PRRX1: variants seen among roughly 807,000 people sequenced by gnomAD.
PRRX1 encodes paired mesoderm homeobox protein 1.
PRRX1 carries 8 observed loss-of-function variants against 24.0 expected under a neutral mutation model. The ratio of observed to expected loss-of-function variants is 0.33; its 90% CI spans 0.20 to 0.60. The LOEUF (loss-of-function observed/expected upper bound fraction) is 0.60, where lower values mean the gene tolerates loss of function less well. PRRX1 is among the 20% of genes least tolerant of loss of function. PRRX1 has a pLI of 0.82. For missense variants in PRRX1, 281 were observed against 322.4 expected (o/e 0.87, Z 0.98); for synonymous variants, 160 against 131.7 (o/e 1.22, Z -1.47).
At chr1:170,680,625 CTTG>C (rs1448226644) in intron 1 of PRRX1, among the ~76,000 whole-genome samples, 3 of 152,200 alleles carry the variant, frequency 2.0e-5, no homozygotes, top group African/African-American at 7.2e-5. Context: ...TCCTGCAAAT[CTTG>C]TTGTTGCATA....
intron 1 of PRRX1, among the ~76,000 whole-genome samples, chr1:170,692,968 A>G (rs1654044312): frequency 6.6e-6 from 1 of 152,052 alleles, no homozygotes; most frequent in South Asian, 2.1e-4. Context: ...GTGATCCTGG[A>G]ACTTTTCCTA....
At chr1:170,721,562 C>T (rs1655086433) in intron 2 of PRRX1, among the ~76,000 whole-genome samples, 1 of 151,962 alleles carries the variant, frequency 6.6e-6, no homozygotes, top group Non-Finnish European at 1.5e-5. Context: ...GAAGTACTCC[C>T]CAAGAGAAAA....
chr1:170,673,846 A>G lies in PRRX1; in HGVS notation c.241+9387A>G, dbSNP rs142117574. On this transcript the variant is annotated intron_variant, in intron 1 of 3. Transcript: ENST00000239461. ...TCCTATCAAGTTTACCTTCTAAAAT[A>G]ATTTGAATTCATCTACTGTTTAAGT... is the stretch of plus-strand genomic sequence containing the variant. 6.2e-3 allele frequency among the ~76,000 whole-genome samples: 950 copies of G among 152,224 alleles called. 3 individuals are homozygous for G. Among genetic ancestry groups the G allele is most frequent in the Non-Finnish European group, 9.2e-3 (623 of 68,000 alleles).
At chr1:170,709,547 C>T (rs1001171718) in intron 1 of PRRX1, among the ~76,000 whole-genome samples, 1 of 152,160 alleles carries the variant, frequency 6.6e-6, no homozygotes, top group Non-Finnish European at 1.5e-5. Context: ...TGGCCCGTTC[C>T]TGGCTCTGAT....
At chr1:170,714,454 CT>C (rs1245948319) in intron 1 of PRRX1, among the ~76,000 whole-genome samples, 1 of 152,238 alleles carries the variant, frequency 6.6e-6, no homozygotes, top group Non-Finnish European at 1.5e-5. Flanking sequence ...TAGTTGGTTT[CT>C]GCTACTGGAG....
In PRRX1 at chr1:170,736,454, T is replaced by TCTTC. The variant is rs1322025679; in HGVS notation, c.*268_*269insCTTC. 2.0e-4 allele frequency: 96 copies of TCTTC among 488,716 alleles called. No homozygotes were observed. The highest frequency in any genetic ancestry group is 1.8e-3 in the African/African-American group (93 of 51,796). The allele number at this position is 488,716 out of a possible 1,614,324, so 30.3% of individuals were successfully genotyped here. On this transcript the variant is annotated 3_prime_UTR_variant, in exon 4 of 4. Transcript: ENST00000239461. ...GTTTTTCTTTCATTCATGCTTTGCT[T>TCTTC]AATGTACTCCAGGCTTCTTCAGCTA...
At chr1:170,704,553 C>T (rs1169402508) in intron 1 of PRRX1, among the ~76,000 whole-genome samples, 1 of 152,176 alleles carries the variant, frequency 6.6e-6, no homozygotes, top group Admixed American at 6.5e-5. Context: ...CTTGCCTTCT[C>T]AGCTGTATTG....
At chr1:170,691,183 G>A (rs1653933409) in intron 1 of PRRX1, among the ~76,000 whole-genome samples, 1 of 152,090 alleles carries the variant, frequency 6.6e-6, no homozygotes, top group South Asian at 2.1e-4. Context: ...TTGTGCAAAA[G>A]GTATTTGTTG....
intron 1 of PRRX1, among the ~76,000 whole-genome samples, chr1:170,695,046 T>C (rs1027151079): frequency 2.6e-5 from 4 of 152,170 alleles, no homozygotes; most frequent in African/African-American, 9.6e-5. Flanking sequence ...AGACTTGCAC[T>C]GGAAGAGTCT....
chr1:170,728,572 C>T (rs1262353501), intron 3 of PRRX1: 1 of 152,078 alleles, frequency 6.6e-6, no homozygotes, highest in African/African-American at 2.4e-5. Flanking sequence ...TATATCATTT[C>T]TCTCTTAGAA....
rs112446424 is a variant in PRRX1, at chr1:170,739,124, T to C, written c.*2938T>C. On this transcript the variant is annotated 3_prime_UTR_variant, in exon 4 of 4. Coordinates refer to ENST00000239461, the MANE Select transcript of PRRX1 (RefSeq NM_022716.4). Reference sequence around the variant, plus strand: ...TGCAAATGTCAAGACATAACCCTGTTCCTCACCATCATGATACCAGATACA... The same window carrying C: ...TGCAAATGTCAAGACATAACCCTGTCCCTCACCATCATGATACCAGATACA... 137 of 213,098 alleles carry C rather than the reference T, an allele frequency of 6.4e-4. 1 individual carries two copies. The highest frequency in any genetic ancestry group is 3.0e-3 in the African/African-American group (131 of 44,326). The allele number at this position is 213,098 out of a possible 1,614,324, so 13.2% of individuals were successfully genotyped here.
Position 170,726,290 on chromosome 1 carries a change from C to T in PRRX1, c.488C>T (p.Ser163Phe), listed in dbSNP as rs1655250128. Reference protein sequence around the residue: ...ERAMLANKNASLLKSYSGDVT... With the variant: ...ERAMLANKNAFLLKSYSGDVT... Reference sequence around the variant, plus strand: ...GCCATGCTAGCCAATAAAAACGCTTCCCTCCTCAAATCCTACTCAGGAGAC... The same window carrying T: ...GCCATGCTAGCCAATAAAAACGCTTTCCTCCTCAAATCCTACTCAGGAGAC... The change falls in exon 3 of 4, where the codon TCC becomes TTC. Residue 163 changes from serine (S) to phenylalanine (F), a missense_variant. Transcript: ENST00000239461. The T allele has an allele frequency of 6.2e-7, 1 of 1,613,910 alleles. No individual in the cohort carries two copies.
intron 1 of PRRX1, among the ~76,000 whole-genome samples, chr1:170,712,406 G>A (rs1654779667): frequency 1.3e-5 from 2 of 151,980 alleles, no homozygotes; most frequent in South Asian, 4.1e-4. Context: ...GTTCTGTTAT[G>A]CTCTCCATCA....
intron 1 of PRRX1, among the ~76,000 whole-genome samples, chr1:170,708,550 A>G (rs191457426): frequency 2.2e-4 from 33 of 152,330 alleles, no homozygotes; most frequent in Admixed American, 1.6e-3. Flanking sequence ...AGAAGAAAAT[A>G]CAACCTCAAG....
chr1:170,730,391 G>T (rs1166039534), intron 3 of PRRX1: 2 of 1,508,484 alleles, frequency 1.3e-6, no homozygotes. Context: ...TTGGGGTAGG[G>T]TTTAAGTGGG....
At chr1:170,666,290 C>T (rs1356094391) in intron 1 of PRRX1, among the ~76,000 whole-genome samples, 1 of 151,664 alleles carries the variant, frequency 6.6e-6, no homozygotes, top group East Asian at 1.9e-4. Flanking sequence ...TAGTGCCGAG[C>T]GCCTGTAATC....
chr1:170,690,220 C>A (rs1317057574), intron 1 of PRRX1, among the ~76,000 whole-genome samples: 2 of 151,822 alleles, frequency 1.3e-5, no homozygotes, highest in Non-Finnish European at 2.9e-5. Flanking sequence ...CTGGTCCGTG[C>A]CCCCTATGAG....
intron 2 of PRRX1, among the ~76,000 whole-genome samples, chr1:170,722,154 C>T (rs542724107): frequency 6.6e-6 from 1 of 152,200 alleles, no homozygotes; most frequent in Non-Finnish European, 1.5e-5. Flanking sequence ...GCAGAGTTCT[C>T]CCTTCATGAC....
At chr1:170,716,918 T>A (rs1654923937) in intron 1 of PRRX1, among the ~76,000 whole-genome samples, 1 of 152,226 alleles carries the variant, frequency 6.6e-6, no homozygotes, top group Non-Finnish European at 1.5e-5. Flanking sequence ...CTGAAGATAC[T>A]GTGCTGGGTC....
Sources: allele counts gnomAD v4.1 joint callset (sites outside exome capture counted in the v4.1 genomes callset), GRCh38; gene constraint gnomAD v4.1.1; transcripts MANE v1.5; gene names NCBI Gene and HGNC (gene_info 2026-07-23, HGNC 2026-07-21).